PRKAB2: variants seen among roughly 807,000 people sequenced by gnomAD.
The protein encoded by PRKAB2 is 5'-AMP-activated protein kinase subunit beta-2.
In PRKAB2, 18 loss-of-function variants were observed where a neutral mutation model predicts 29.8. The ratio of observed to expected loss-of-function variants is 0.60; its 90% confidence interval spans 0.42 to 0.89. The LOEUF is 0.89. Ranked by LOEUF, PRKAB2 falls within the 40% of genes least tolerant of loss-of-function variation. The pLI, the probability that PRKAB2 is intolerant of heterozygous loss-of-function variation, is 0.00. For synonymous variants in PRKAB2, 136 were observed against 125.9 expected, an observed-to-expected ratio of 1.08 and a Z score of -0.54; for missense variants, 270 against 344.3, an observed-to-expected ratio of 0.78 and a Z score of 1.71.
In PRKAB2 at chr1:147,161,724, T is replaced by C. The variant is rs782191535; in HGVS notation, c.729A>G (p.Ala243=). ...GGCCACCACTTACCTTAATGGACAATGCATAGAGATGGTTCAGCATAACAT... is the reference window on the plus strand; with the variant it reads ...GGCCACCACTTACCTTAATGGACAACGCATAGAGATGGTTCAGCATAACAT... ...PNHVMLNHLY[A]LSIKDSVMVL... The change falls in exon 7 of 8, where the codon GCA becomes GCG. Residue 243 remains alanine (A), a synonymous_variant. Coordinates refer to ENST00000254101, the MANE Select transcript of PRKAB2 (RefSeq NM_005399.5). 10 of 1,612,314 alleles carry C rather than the reference T, an allele frequency of 6.2e-6. No individual in the cohort carries two copies. Among genetic ancestry groups the C allele is most frequent in the Non-Finnish European group, 7.6e-6 (9 of 1,178,742 alleles).
intron 5 of PRKAB2, 120 bp from the exon 6 acceptor site, chr1:147,162,693 G>T: frequency 9.4e-7 from 1 of 1,066,638 alleles, no homozygotes; most frequent in Non-Finnish European, 1.3e-6. Context: ...TCACAAACTT[G>T]TGACCTGTGG....
At chr1:147,167,977 A>C (rs782681842) in intron 2 of PRKAB2, 44 bp from the exon 3 acceptor site, 2 of 1,567,370 alleles carry the variant, frequency 1.3e-6, no homozygotes, top group Admixed American at 3.7e-5. Flanking sequence ...CTGTGACCCA[A>C]GAATTCTAAA....
At position 147,159,732 on chromosome 1, in the gene PRKAB2, T is replaced by C. The variant is rs1653861827; in HGVS notation, c.742-90A>G. On this transcript the variant is annotated intron_variant, in intron 7 of 7. Transcript: ENST00000254101. ...CATCAGTCCTTCACAGTCACTCACT[T>C]TTAACAGAGATAGTTTGATATAAGA... is the stretch of plus-strand genomic sequence containing the variant. 3.5e-6 allele frequency: 4 copies of C among 1,134,148 alleles called. No individual in the cohort carries two copies. The South Asian group carries it at 5.4e-5, about 15-fold the overall frequency. The allele number at this position is 1,134,148 out of a possible 1,614,324, so 70.3% of individuals were successfully genotyped here. A position where few individuals can be genotyped will look rare whatever the true frequency, so the allele number is the denominator to read the frequency against.
At chr1:147,166,727 G>T in intron 4 of PRKAB2, 109 bp from the exon 5 acceptor site, 1 of 1,551,524 alleles carries the variant, frequency 6.4e-7, no homozygotes. Context: ...GCACCTCCAC[G>T]TTTTATCAAG....
At chr1:147,163,783 C>T (rs1553913354) in intron 5 of PRKAB2, among the ~76,000 whole-genome samples, 1 of 151,840 alleles carries the variant, frequency 6.6e-6, no homozygotes, top group Non-Finnish European at 1.5e-5. Context: ...AATCACATAA[C>T]TCTGAATATA....
intron 2 of PRKAB2, among the ~76,000 whole-genome samples, chr1:147,168,816 T>C (rs1654376947): frequency 6.6e-6 from 1 of 152,180 alleles, no homozygotes; most frequent in South Asian, 2.1e-4. Context: ...GATTGATTGA[T>C]TGAGAAAGGA....
In PRKAB2 at chr1:147,166,625, C is replaced by A; in HGVS notation, c.418-7G>T. ...GCTGACTGGTAACCACAGGCTGAAA[C>A]AGTGAATAGAAAAAATTATTGAATC... On this transcript the variant is annotated splice_polypyrimidine_tract_variant and splice_region_variant and intron_variant, in intron 4 of 7. Coordinates refer to ENST00000254101, the MANE Select transcript of PRKAB2 (RefSeq NM_005399.5). 1.9e-6 allele frequency: 3 copies of A among 1,608,752 alleles called. No homozygotes were observed. The highest frequency in any genetic ancestry group is 2.5e-6 in the Non-Finnish European group (3 of 1,178,426).
intron 7 of PRKAB2, among the ~76,000 whole-genome samples, chr1:147,161,401 T>A (rs587615141): frequency 6.6e-6 from 1 of 152,304 alleles, no homozygotes; most frequent in Admixed American, 6.5e-5. Context: ...ACCTGCTTTT[T>A]CTGCAGAAGA....
chr1:147,164,661 T>G (rs150170633), intron 5 of PRKAB2, among the ~76,000 whole-genome samples: 2 of 152,194 alleles, frequency 1.3e-5, no homozygotes, highest in African/African-American at 2.4e-5. Flanking sequence ...AAAAAATAAA[T>G]ACAAATTGGT....
Position 147,166,852 on chromosome 1 carries a change from T to G in PRKAB2, c.411A>C (p.Pro137=). The change falls in exon 4 of 8, where the codon CCA becomes CCC. Residue 137 remains proline, a synonymous_variant. Transcript: ENST00000254101. ...FFVDGQWVHD[P]SEPVVTSQLG... Reference sequence around the variant, plus strand: ...TTGGAGATCAAGGCCTTACCTCTGATGGATCATGAACCCACTGTCCATCCA... The same window carrying G: ...TTGGAGATCAAGGCCTTACCTCTGAGGGATCATGAACCCACTGTCCATCCA... 6.2e-7 allele frequency: 1 copy of G among 1,613,574 alleles called. No homozygotes were observed. The highest frequency in any genetic ancestry group is 1.1e-5 in the South Asian group (1 of 91,062).
Position 147,161,707 on chromosome 1 carries a change from C to A in PRKAB2, c.741+5G>T, listed in dbSNP as rs1357943724. 1.2e-6 allele frequency: 2 copies of A among 1,610,402 alleles called. No homozygotes were observed. The highest frequency in any genetic ancestry group is 1.3e-5 in the African/African-American group (1 of 74,798). ...GCTCTGTGAAGAGCCAGGGCCACCA[C>A]TTACCTTAATGGACAATGCATAGAG... On this transcript the variant is annotated splice_donor_5th_base_variant and intron_variant, in intron 7 of 7. Coordinates refer to ENST00000254101, the MANE Select transcript of PRKAB2 (RefSeq NM_005399.5).
chr1:147,159,363 T>C lies in PRKAB2; in HGVS notation c.*202A>G, dbSNP rs1653833736. On this transcript the variant is annotated 3_prime_UTR_variant, in exon 8 of 8. Coordinates refer to ENST00000254101, the MANE Select transcript of PRKAB2 (RefSeq NM_005399.5). ...TACCTTCTTCTCATATGTATATTTT[T>C]TTTTCTTAAAATAAATTCCGTGAAC... The C allele has an allele frequency of 7.6e-6, 4 of 524,140 alleles. No homozygotes were observed. Among genetic ancestry groups the C allele is most frequent in the Admixed American group, 3.4e-5 (1 of 29,450 alleles). The allele number at this position is 524,140 out of a possible 1,614,324, so 32.5% of individuals were successfully genotyped here.
chr1:147,159,762 G>A, intron 7 of PRKAB2, 120 bp from the exon 8 acceptor site: 1 of 869,978 alleles, frequency 1.1e-6, no homozygotes, highest in Non-Finnish European at 1.8e-6. Flanking sequence ...ATAAGAGCAG[G>A]AGGTCAAATA....
chr1:147,167,515 T>G (rs587692811), intron 3 of PRKAB2, among the ~76,000 whole-genome samples: 24 of 152,276 alleles, frequency 1.6e-4, no homozygotes, highest in African/African-American at 5.5e-4. Flanking sequence ...TTGTATGACA[T>G]AGTCCTAAAG....
rs1653764086 is a variant in PRKAB2, at chr1:147,158,112, CA to C, written c.*1452del. 1 of 151,990 alleles carries C rather than the reference CA, an allele frequency of 6.6e-6. No individual in the cohort carries two copies. Among genetic ancestry groups the C allele is most frequent in the African/African-American group, 2.4e-5 (1 of 41,384 alleles). 9.4% of individuals were successfully genotyped at this position (151,990 alleles called of 1,614,324 possible). On this transcript the variant is annotated 3_prime_UTR_variant, in exon 8 of 8. Coordinates refer to ENST00000254101, the MANE Select transcript of PRKAB2 (RefSeq NM_005399.5). Reference sequence around the variant, plus strand: ...TAGTGTTGATTATTTGACTTATCTGCAAAATGGAAGAGCCCCAGCTACTTGG... The same window carrying C: ...TAGTGTTGATTATTTGACTTATCTGCAAATGGAAGAGCCCCAGCTACTTGG...
intron 2 of PRKAB2, among the ~76,000 whole-genome samples, chr1:147,170,882 GTGA>G (rs1423405126): frequency 6.6e-6 from 1 of 152,174 alleles, no homozygotes; most frequent in Non-Finnish European, 1.5e-5. Context: ...GCGCCAGGCT[GTGA>G]TGATGTTATC....
Position 147,161,736 on chromosome 1 carries a change from G to A in PRKAB2, c.717C>T (p.Asn239=), listed in dbSNP as rs782404395. The change falls in exon 7 of 8, where the codon AAC becomes AAT. Residue 239 remains asparagine, a synonymous_variant. Transcript: ENST00000254101. The part of the protein sequence containing the change: ...LLPEPNHVML[N]HLYALSIKDS... The stretch of plus-strand genomic sequence containing the variant: ...CCTTAATGGACAATGCATAGAGATG[G>A]TTCAGCATAACATGGTTGGGCTCAG... 6.2e-7 allele frequency: 1 copy of A among 1,613,086 alleles called. No homozygotes were observed. The highest frequency in any genetic ancestry group is 2.2e-5 in the East Asian group (1 of 44,868).
chr1:147,172,270 G>A, intron 1 of PRKAB2, 103 bp from the exon 2 acceptor site: 9 of 1,309,134 alleles, frequency 6.9e-6, no homozygotes, highest in Non-Finnish European at 9.1e-6. Flanking sequence ...GGGATTCCCC[G>A]CCCCAGGGAA....
At chr1:147,168,998 C>T (rs1214299976) in intron 2 of PRKAB2, among the ~76,000 whole-genome samples, 2 of 152,224 alleles carry the variant, frequency 1.3e-5, no homozygotes, top group East Asian at 3.9e-4. Context: ...TAGCTGCTTA[C>T]AGGCTACAGT....
Sources: gnomAD v4.1 joint callset for allele counts (sites outside exome capture counted in the v4.1 genomes callset) on GRCh38, gnomAD v4.1.1 for gene constraint, MANE v1.5 for transcripts, NCBI Gene and HGNC (gene_info 2026-07-23, HGNC 2026-07-21) for gene names.